Variants in ADAMTS9 observed in about 807,000 individuals in gnomAD.
ADAMTS9 encodes ADAM metallopeptidase with thrombospondin type 1 motif 9, also known as A disintegrin and metalloproteinase with thrombospondin motifs 9.
Under a neutral mutation model 257.1 loss-of-function variants are expected in ADAMTS9, and 107 were observed. The observed-to-expected ratio is 0.42, with a 90% confidence interval of 0.36 to 0.49. ADAMTS9 has a LOEUF of 0.49. Among genes scored for constraint, ADAMTS9 ranks in the 20% least tolerant of loss-of-function variants. The probability of loss-of-function intolerance (pLI) is 0.03; values close to 1 mark genes in which losing one functional copy is unlikely to be tolerated. For synonymous variants in ADAMTS9, 982 were observed against 880.9 expected (o/e 1.11, Z -2.03); for missense variants, 2,353 against 2,469.1 (o/e 0.95, Z 1.00).
chr3:64,628,349 A>T (rs1227289874), intron 16 of ADAMTS9, among the ~76,000 whole-genome samples: 1 of 152,214 alleles, frequency 6.6e-6, no homozygotes, highest in Admixed American at 6.5e-5. Context: ...TGTTTTTCCA[A>T]GAAAGGGAAG....
chr3:64,621,740 C>T (rs1028690778), intron 18 of ADAMTS9, among the ~76,000 whole-genome samples: 18 of 146,552 alleles, frequency 1.2e-4, no homozygotes, highest in African/African-American at 2.8e-4. Flanking sequence ...CCAGCCTGGG[C>T]GACAGACCAA....
chr3:64,582,295 T>C (rs1447657634), intron 28 of ADAMTS9, among the ~76,000 whole-genome samples: 1 of 152,160 alleles, frequency 6.6e-6, no homozygotes, highest in Non-Finnish European at 1.5e-5. Flanking sequence ...GAAAAGGTGA[T>C]CCCCTATGTA....
At chr3:64,617,287 T>C (rs1699982288) in intron 19 of ADAMTS9, among the ~76,000 whole-genome samples, 1 of 152,150 alleles carries the variant, frequency 6.6e-6, no homozygotes, top group Non-Finnish European at 1.5e-5. Context: ...CATTTCCTTG[T>C]GGAAAGGTTA....
At position 64,644,525 on chromosome 3, in the gene ADAMTS9, A is replaced by G. The variant is rs565384946; in HGVS notation, c.1711-2532T>C. Among the ~76,000 whole-genome samples the G allele has an allele frequency of 4.6e-5, 7 of 152,274 alleles. No homozygotes were observed. In the South Asian group the frequency reaches 8.3e-4, roughly 18 times the overall value. ...TCCTCCCCTTTATCTTGGCAATAGA[A>G]CCTATATTTTCCAAAGTTTCCCTAC... On this transcript the variant is annotated intron_variant, in intron 11 of 39. Coordinates refer to ENST00000498707, the MANE Select transcript of ADAMTS9 (RefSeq NM_182920.2).
chr3:64,571,560 C>A (rs1346610630), intron 28 of ADAMTS9, among the ~76,000 whole-genome samples: 1 of 152,116 alleles, frequency 6.6e-6, no homozygotes, highest in African/African-American at 2.4e-5. Context: ...TGTAACCTAC[C>A]CATTCCAGGG....
At chr3:64,573,709 T>C (rs992945539) in intron 28 of ADAMTS9, among the ~76,000 whole-genome samples, 3 of 152,168 alleles carry the variant, frequency 2.0e-5, no homozygotes, top group Non-Finnish European at 4.4e-5. Flanking sequence ...AAGTATGTCA[T>C]CAGAAAGGAT....
intron 16 of ADAMTS9, among the ~76,000 whole-genome samples, chr3:64,630,285 T>C (rs1159888522): frequency 6.6e-6 from 1 of 152,210 alleles, no homozygotes; most frequent in Admixed American, 6.5e-5. Context: ...GAGACTGGGC[T>C]GGGCATGGTG....
At chr3:64,550,026 G>A (rs1417696994) in intron 31 of ADAMTS9, 1 of 151,676 alleles carries the variant, frequency 6.6e-6, no homozygotes, top group South Asian at 2.1e-4. Context: ...TTTACTGTGA[G>A]TCCAGATGCC....
chr3:64,603,774 G>T, intron 25 of ADAMTS9, 148 bp downstream of exon 25: 1 of 941,766 alleles, frequency 1.1e-6, no homozygotes, highest in Non-Finnish European at 1.6e-6. Context: ...CTACACATAA[G>T]TGGAGCAGCA....
intron 23 of ADAMTS9, among the ~76,000 whole-genome samples, chr3:64,606,402 G>C (rs2084556774): frequency 6.6e-6 from 1 of 152,162 alleles, no homozygotes; most frequent in Admixed American, 6.5e-5. Flanking sequence ...GGAGAGATAG[G>C]TGGCAGCACA....
At chr3:64,587,414 C>T (rs1445100872) in intron 28 of ADAMTS9, 1 of 152,014 alleles carries the variant, frequency 6.6e-6, no homozygotes, top group Non-Finnish European at 1.5e-5. Context: ...TTGCCCTGTC[C>T]GATATGGTAG....
chr3:64,632,313 T>C (rs1489346803), intron 14 of ADAMTS9, among the ~76,000 whole-genome samples: 2 of 152,166 alleles, frequency 1.3e-5, no homozygotes, highest in Non-Finnish European at 2.9e-5. Flanking sequence ...AGGTAAGAAC[T>C]GTATCTAATT....
At chr3:64,548,295 T>G (rs998856031) in intron 31 of ADAMTS9, among the ~76,000 whole-genome samples, 3 of 152,178 alleles carry the variant, frequency 2.0e-5, no homozygotes, top group Admixed American at 6.5e-5. Flanking sequence ...TCCCTTCCAG[T>G]TGGCTCGAGA....
intron 28 of ADAMTS9, among the ~76,000 whole-genome samples, chr3:64,576,990 T>A (rs1256373227): frequency 6.6e-6 from 1 of 152,112 alleles, no homozygotes; most frequent in African/African-American, 2.4e-5. Flanking sequence ...TTCCCCAACC[T>A]TCGATCTCAC....
At position 64,516,552 on chromosome 3, in the gene ADAMTS9, A is replaced by G. The variant is rs893206795; in HGVS notation, c.*575T>C. 2.6e-5 allele frequency: 4 copies of G among 152,638 alleles called. No individual in the cohort carries two copies. The highest frequency in any genetic ancestry group is 4.4e-5 in the Non-Finnish European group (3 of 68,034). The allele number at this position is 152,638 out of a possible 1,614,324, so 9.5% of individuals were successfully genotyped here. On this transcript the variant is annotated 3_prime_UTR_variant, in exon 40 of 40. Transcript: ENST00000498707. Reference sequence around the variant, plus strand: ...ATACATACAATATTAGCACCAAGGCAGCATATTTTTTTCCCAGAGATCACA... The same window carrying G: ...ATACATACAATATTAGCACCAAGGCGGCATATTTTTTTCCCAGAGATCACA...
intron 19 of ADAMTS9, among the ~76,000 whole-genome samples, chr3:64,620,237 T>C (rs1700073546): frequency 1.3e-5 from 2 of 152,234 alleles, no homozygotes; most frequent in South Asian, 4.2e-4. Flanking sequence ...AACTCCTCTA[T>C]TTTCTCAGAG....
intron 12 of ADAMTS9, among the ~76,000 whole-genome samples, chr3:64,637,446 T>G (rs1375617215): frequency 2.6e-5 from 4 of 152,198 alleles, no homozygotes; most frequent in Non-Finnish European, 5.9e-5. Context: ...CACAGCCAAA[T>G]TGGATCTTTC....
Position 64,686,543 on chromosome 3 carries a change from G to C in ADAMTS9, c.516+25C>G. 6.4e-7 allele frequency: 1 copy of C among 1,573,226 alleles called. No homozygotes were observed. The highest frequency in any genetic ancestry group is 8.6e-7 in the Non-Finnish European group (1 of 1,158,812). ...AAGCGGGCGAGGAGGCGGAAGGGGA[G>C]AGGAGGTGGCGCGCGCCCACTTACC... On this transcript the variant is annotated intron_variant, in intron 2 of 39. Coordinates refer to ENST00000498707, the MANE Select transcript of ADAMTS9 (RefSeq NM_182920.2). This position sits in a 1 kb window ranked among gnomAD's most constrained non-coding sequence, Gnocchi z 4.6.
chr3:64,567,231 C>A (rs372097660), intron 29 of ADAMTS9, among the ~76,000 whole-genome samples: 4 of 152,072 alleles, frequency 2.6e-5, no homozygotes, highest in Admixed American at 6.5e-5. Flanking sequence ...TACGCTATGA[C>A]CAAAGCTGCT....
Sources: allele counts gnomAD v4.1 joint callset (sites outside exome capture counted in the v4.1 genomes callset), GRCh38; gene constraint gnomAD v4.1.1; non-coding constraint Gnocchi (gnomAD v3.1); transcripts MANE v1.5; gene names NCBI Gene and HGNC (gene_info 2026-07-23, HGNC 2026-07-21).